KCTD2: variants seen among roughly 807,000 people sequenced by gnomAD.
The protein encoded by KCTD2 is potassium channel tetramerization domain containing 2.
KCTD2 carries 18 observed loss-of-function variants against 27.9 expected under a neutral mutation model. The observed-to-expected ratio is 0.64, with a 90% confidence interval of 0.45 to 0.96. The LOEUF (loss-of-function observed/expected upper bound fraction) is 0.96, where lower values mean the gene tolerates loss of function less well. Ranked by LOEUF, KCTD2 falls within the 40% of genes least tolerant of loss-of-function variation. The probability of loss-of-function intolerance (pLI) is 0.00; values close to 1 mark genes in which losing one functional copy is unlikely to be tolerated. For synonymous variants in KCTD2, 175 were observed against 148.4 expected (o/e 1.18, Z -1.30); for missense variants, 280 against 348.0 (o/e 0.80, Z 1.56).
chr17:75,062,720 A>ACACACACACACACACACACACACC (rs2073417077), intron 5 of KCTD2, among the ~76,000 whole-genome samples: 1 of 150,622 alleles, frequency 6.6e-6, no homozygotes. Context: ...ACACACACAC[A>ACACACACACACACACACACACACC]CACACACACA....
At chr17:75,039,975 A>G (rs779532718) in intron 3 of KCTD2, 1 of 1,069,844 alleles carries the variant, frequency 9.3e-7, no homozygotes, top group Admixed American at 2.2e-5. Flanking sequence ...TTGACAAGTC[A>G]TTCCTTTATA....
chr17:75,053,193 A>C (rs1031909745), intron 3 of KCTD2, 88 bp downstream of exon 3: 4 of 1,001,890 alleles, frequency 4.0e-6, no homozygotes, highest in Admixed American at 2.0e-5. Flanking sequence ...CTTTACCCTT[A>C]GAGCTGGAGG....
At chr17:75,050,999 A>C (rs997773972) in intron 2 of KCTD2, among the ~76,000 whole-genome samples, 2 of 137,668 alleles carry the variant, frequency 1.5e-5, no homozygotes, top group Non-Finnish European at 3.1e-5. Flanking sequence ...TTTGAGACGG[A>C]GTCTTGCTCT....
intron 4 of KCTD2, 135 bp downstream of exon 4, chr17:75,059,740 G>T: frequency 1.5e-6 from 1 of 646,894 alleles, no homozygotes; most frequent in East Asian, 2.8e-5. Context: ...CCAAAACATG[G>T]GCAAAGAGCC....
At chr17:75,039,396 C>G (rs565139532) in intron 3 of KCTD2, 37 of 830,160 alleles carry the variant, frequency 4.5e-5, no homozygotes, top group African/African-American at 3.9e-4. Context: ...CTGTGGTTAC[C>G]CTGAGTGGGG....
intron 3 of KCTD2, among the ~76,000 whole-genome samples, chr17:75,056,009 C>T (rs1347638512): frequency 2.0e-5 from 3 of 151,604 alleles, no homozygotes; most frequent in Non-Finnish European, 2.9e-5. Flanking sequence ...CCAGCCTGGG[C>T]AACAGAGTGA....
At position 75,063,079 on chromosome 17, in the gene KCTD2, A is replaced by AG; in HGVS notation, c.*33dup. The AG allele has an allele frequency of 1.2e-6, 2 of 1,607,930 alleles. No homozygotes were observed. Among genetic ancestry groups the AG allele is most frequent in the Non-Finnish European group, 1.7e-6 (2 of 1,174,790 alleles). On this transcript the variant is annotated 3_prime_UTR_variant, in exon 6 of 6. Transcript: ENST00000322444. ...ACCCCGAAAACTCCAGACCTTCAGG[A>AG]GAGCAGTCAGCAGAGCCCCTCTGTG...
At chr17:75,035,317 T>A (rs556893098) in exon 3 of KCTD2, 9 of 152,258 alleles carry the variant, frequency 5.9e-5, no homozygotes, top group East Asian at 3.9e-4. Flanking sequence ...AGGCTTTGCA[T>A]CCCGGGACGC....
chr17:75,064,780 G>GA lies in KCTD2; in HGVS notation c.*1742dup, dbSNP rs1003259791. 4 of 151,472 alleles carry GA rather than the reference G, an allele frequency of 2.6e-5. No homozygotes were observed. The highest frequency in any genetic ancestry group is 6.6e-5 in the Admixed American group (1 of 15,192). 9.4% of individuals were successfully genotyped at this position (151,472 alleles called of 1,614,324 possible). On this transcript the variant is annotated 3_prime_UTR_variant, in exon 6 of 6. Transcript: ENST00000322444. Reference sequence around the variant, plus strand: ...CATCCATCCAGTCGTATCTTTCAGAGAAAAAAAAAGTTAGATGTAGCCAAG... The same window carrying GA: ...CATCCATCCAGTCGTATCTTTCAGAGAAAAAAAAAAGTTAGATGTAGCCAAG...
At chr17:75,058,477 C>T (rs1287374115) in intron 3 of KCTD2, among the ~76,000 whole-genome samples, 4 of 150,250 alleles carry the variant, frequency 2.7e-5, no homozygotes, top group African/African-American at 9.8e-5. Context: ...GCACTCCAGA[C>T]TGGGCAACAG....
At chr17:75,054,480 T>C (rs1440569894) in intron 3 of KCTD2, among the ~76,000 whole-genome samples, 4 of 152,234 alleles carry the variant, frequency 2.6e-5, no homozygotes, top group South Asian at 4.2e-4. Context: ...CCCTTGGGAT[T>C]CTGTAAGTAA....
At chr17:75,051,554 G>A (rs1040882250) in intron 2 of KCTD2, among the ~76,000 whole-genome samples, 1 of 151,088 alleles carries the variant, frequency 6.6e-6, no homozygotes, top group Non-Finnish European at 1.5e-5. Context: ...GAAATGCTGC[G>A]ATTACAGGCG....
intron 3 of KCTD2, chr17:75,041,056 G>A (rs1158873081): frequency 6.6e-6 from 1 of 151,756 alleles, no homozygotes; most frequent in African/African-American, 2.4e-5. Context: ...ACAGCTATAA[G>A]GGACAGTTAA....
At chr17:75,042,902 G>A (rs1220165905), upstream of KCTD2, among the ~76,000 whole-genome samples, 1 of 152,090 alleles carries the variant, frequency 6.6e-6, no homozygotes, top group Non-Finnish European at 1.5e-5. Context: ...AAAAAAGACA[G>A]TGTAGCTTTT....
intron 3 of KCTD2, among the ~76,000 whole-genome samples, chr17:75,036,333 G>T (rs1192797067): frequency 6.6e-6 from 1 of 151,998 alleles, no homozygotes; most frequent in South Asian, 2.1e-4. Context: ...GTGTTAGCCA[G>T]GATGGTCTCA....
intron 2 of KCTD2, among the ~76,000 whole-genome samples, chr17:75,034,623 C>T (rs1362524161): frequency 1.3e-5 from 2 of 152,120 alleles, no homozygotes; most frequent in Non-Finnish European, 2.9e-5. Context: ...ACAGGATGAA[C>T]CGCTGGCTGG....
In KCTD2 at chr17:75,062,886, C is replaced by T. The variant is rs527956708; in HGVS notation, c.763-132C>T. On this transcript the variant is annotated intron_variant, in intron 5 of 5. Coordinates refer to ENST00000322444, the MANE Select transcript of KCTD2 (RefSeq NM_015353.3). ...ACCAGAAGCACTGCGGGTGAGGCTG[C>T]GGCTGCACCCCTGCTTGCTTCCTGG... is the stretch of plus-strand genomic sequence containing the variant. 37 of 893,202 alleles carry T rather than the reference C, an allele frequency of 4.1e-5. No homozygotes were observed. The East Asian group carries it at 8.2e-4, about 20-fold the overall frequency. The allele number at this position is 893,202 out of a possible 1,614,324, so 55.3% of individuals were successfully genotyped here. A position where few individuals can be genotyped will look rare whatever the true frequency, so the allele number is the denominator to read the frequency against.
chr17:75,049,340 G>GT lies in KCTD2; in HGVS notation c.448+15dup, dbSNP rs1401453958. 6.9e-7 allele frequency: 1 copy of GT among 1,444,038 alleles called. No individual in the cohort carries two copies. The highest frequency in any genetic ancestry group is 9.7e-7 in the Non-Finnish European group (1 of 1,033,078). The allele number at this position is 1,444,038 out of a possible 1,614,324, so 89.5% of individuals were successfully genotyped here. ...GTTGGCAGAAGAAGGTAAGCGCACT[G>GT]TTTGCATTGGGGATTTTCAAAATGC... On this transcript the variant is annotated intron_variant, in intron 2 of 5. Coordinates refer to ENST00000322444, the MANE Select transcript of KCTD2 (RefSeq NM_015353.3).
rs112765670 is a variant in KCTD2, at chr17:75,063,133, C to T, written c.*86C>T. The T allele has an allele frequency of 1.3e-5, 16 of 1,266,024 alleles. No individual in the cohort carries two copies. Among genetic ancestry groups the T allele is most frequent in the Middle Eastern group, 1.8e-4 (1 of 5,416 alleles). The allele number at this position is 1,266,024 out of a possible 1,614,324, so 78.4% of individuals were successfully genotyped here. ...TGAAACCTCACTCCTGTCCAGTGAC[C>T]GAGCCACTGCAAAGCACAGCTGATC... On this transcript the variant is annotated 3_prime_UTR_variant, in exon 6 of 6. Transcript: ENST00000322444.
Sources: allele counts gnomAD v4.1 joint callset (sites outside exome capture counted in the v4.1 genomes callset), GRCh38; gene constraint gnomAD v4.1.1; transcripts MANE v1.5; gene names NCBI Gene and HGNC (gene_info 2026-07-23, HGNC 2026-07-21).